The following CAMTA1 variants were observed in gnomAD, a reference collection of about 807,000 sequenced individuals.
CAMTA1 encodes the protein calmodulin binding transcription activator 1, also known as calmodulin-binding transcription activator 1.
Under a neutral mutation model 170.9 loss-of-function variants are expected in CAMTA1, and 27 were observed. That is an observed-to-expected ratio of 0.16 (90% CI 0.12 to 0.22). The LOEUF (loss-of-function observed/expected upper bound fraction) is 0.22, where lower values mean the gene tolerates loss of function less well. CAMTA1 is among the 10% of genes least tolerant of loss of function. The pLI is 1.00. For missense variants in CAMTA1, 1,619 were observed against 2,217.2 expected (o/e 0.73, Z 5.42); for synonymous variants, 833 against 891.5 (o/e 0.93, Z 1.17).
Position 7,674,269 on chromosome 1 carries a change from C to G in CAMTA1, c.2779+3232C>G. ...GGAGACACGCAGGCACTGAGTGTGT[C>G]TTCTGCAAGACTCCAGGGTGCTTCA... On this transcript the variant is annotated intron_variant, in intron 10 of 22. Transcript: ENST00000303635. The surrounding 1 kb of genome is among the most constrained non-coding windows in gnomAD (Gnocchi z 4.1). Among the ~76,000 whole-genome samples, 1 of 152,164 alleles carries G rather than the reference C, an allele frequency of 6.6e-6. No homozygotes were observed. Among genetic ancestry groups the G allele is most frequent in the East Asian group, 1.9e-4 (1 of 5,172 alleles).
chr1:6,991,543 T>C (rs539670336), intron 3 of CAMTA1, among the ~76,000 whole-genome samples: 4 of 152,238 alleles, frequency 2.6e-5, no homozygotes, highest in Non-Finnish European at 5.9e-5. Context: ...TGCTCCAATC[T>C]TTTGTCCATT....
At chr1:7,488,520 T>A (rs574248060) in intron 6 of CAMTA1, among the ~76,000 whole-genome samples, 1 of 152,112 alleles carries the variant, frequency 6.6e-6, no homozygotes, top group South Asian at 2.1e-4. Context: ...CACACACATG[T>A]ACACACAATA....
chr1:7,425,638 C>G (rs2091837923), intron 5 of CAMTA1, among the ~76,000 whole-genome samples: 1 of 151,960 alleles, frequency 6.6e-6, no homozygotes, highest in Non-Finnish European at 1.5e-5. Flanking sequence ...CAGGAGCAAT[C>G]CCCCCTCCAC....
chr1:7,713,848 T>G (rs1300156728), intron 11 of CAMTA1, among the ~76,000 whole-genome samples: 1 of 152,216 alleles, frequency 6.6e-6, no homozygotes, highest in Non-Finnish European at 1.5e-5. Context: ...TGTTAAGGGC[T>G]CTTTTCTAAC....
chr1:7,062,183 G>T (rs965192245), intron 3 of CAMTA1, among the ~76,000 whole-genome samples: 1 of 152,120 alleles, frequency 6.6e-6, no homozygotes, highest in African/African-American at 2.4e-5. Context: ...CTCCCAAAGT[G>T]CTGGGATTAC....
In CAMTA1 at chr1:7,408,430, G is replaced by T. The variant is rs559349653; in HGVS notation, c.439-59400G>T. Among the ~76,000 whole-genome samples, 12 of 152,280 alleles carry T rather than the reference G, an allele frequency of 7.9e-5. No homozygotes were observed. In the East Asian group the frequency reaches 2.3e-3, roughly 29 times the overall value. Reference sequence around the variant, plus strand: ...GCCCCTCCCCTCCTCCCCATGCCTCGCCTCGCTCCTGCCAGGTGTGCTGTC... The same window carrying T: ...GCCCCTCCCCTCCTCCCCATGCCTCTCCTCGCTCCTGCCAGGTGTGCTGTC... On this transcript the variant is annotated intron_variant, in intron 5 of 22. Transcript: ENST00000303635.
At chr1:7,745,764 A>T in intron 17 of CAMTA1, 81 bp from the exon 18 acceptor site, 1 of 1,561,984 alleles carries the variant, frequency 6.4e-7, no homozygotes. Context: ...GGCAGATACC[A>T]TCTTGGCTCA....
chr1:7,051,543 G>A (rs750857688), intron 3 of CAMTA1, among the ~76,000 whole-genome samples: 1 of 152,220 alleles, frequency 6.6e-6, no homozygotes, highest in African/African-American at 2.4e-5. Flanking sequence ...AGTGGGTCCT[G>A]ATTGCCAGGT....
At chr1:7,576,762 A>G (rs1475311907) in intron 6 of CAMTA1, among the ~76,000 whole-genome samples, 1 of 152,214 alleles carries the variant, frequency 6.6e-6, no homozygotes, top group Non-Finnish European at 1.5e-5. Context: ...GGGGAGCAGT[A>G]CTAGGGAGCC....
intron 4 of CAMTA1, among the ~76,000 whole-genome samples, chr1:7,106,415 G>A (rs575321683): frequency 2.0e-5 from 3 of 152,116 alleles, no homozygotes; most frequent in Admixed American, 6.6e-5. Context: ...CTCACATTCA[G>A]TTTTCTTTCT....
chr1:6,993,159 C>T (rs988689359), intron 3 of CAMTA1, among the ~76,000 whole-genome samples: 1 of 152,006 alleles, frequency 6.6e-6, no homozygotes, highest in Admixed American at 6.5e-5. Flanking sequence ...GTCAGTTCTC[C>T]AACTTTACTT....
Position 7,509,465 on chromosome 1 carries a change from C to CTG in CAMTA1, c.510+41564_510+41565insTG, listed in dbSNP as rs2094170222. On this transcript the variant is annotated intron_variant, in intron 6 of 22. Coordinates refer to ENST00000303635, the MANE Select transcript of CAMTA1 (RefSeq NM_015215.4). ...TGTCGGACCCAGCAGGCTTTATAGT[C>CTG]CACAGACACTTGTACCATTCTTTCC... is the stretch of plus-strand genomic sequence containing the variant. Among the ~76,000 whole-genome samples, 5 of 152,264 alleles carry CTG rather than the reference C, an allele frequency of 3.3e-5. No individual in the cohort carries two copies. In the Middle Eastern group the frequency reaches 0.01, roughly 311 times the overall value.
In CAMTA1 at chr1:7,463,004, G is replaced by A. The variant is rs1340320866; in HGVS notation, c.439-4826G>A. On this transcript the variant is annotated intron_variant, in intron 5 of 22. Coordinates refer to ENST00000303635, the MANE Select transcript of CAMTA1 (RefSeq NM_015215.4). The surrounding 1 kb of genome is among the most constrained non-coding windows in gnomAD (Gnocchi z 4.7). ...GGGGGACCTGAGCTGGACTCCAGCT[G>A]AGCGGGGTCTTCGGAGGCAGCACAG... Among the ~76,000 whole-genome samples, 2 of 152,236 alleles carry A rather than the reference G, an allele frequency of 1.3e-5. No homozygotes were observed. Among genetic ancestry groups the A allele is most frequent in the Non-Finnish European group, 2.9e-5 (2 of 68,048 alleles).
At chr1:7,387,143 G>A (rs1188202228) in intron 5 of CAMTA1, among the ~76,000 whole-genome samples, 2 of 151,832 alleles carry the variant, frequency 1.3e-5, no homozygotes, top group East Asian at 1.9e-4. Flanking sequence ...CCCCTCCAAC[G>A]GGAGACTTCT....
intron 7 of CAMTA1, among the ~76,000 whole-genome samples, chr1:7,656,227 C>A (rs1428521787): frequency 6.6e-6 from 1 of 152,212 alleles, no homozygotes; most frequent in African/African-American, 2.4e-5. Flanking sequence ...CACAGACTGG[C>A]GGCTTAAACA....
chr1:6,968,802 A>G (rs952419693), intron 3 of CAMTA1, among the ~76,000 whole-genome samples: 1 of 152,138 alleles, frequency 6.6e-6, no homozygotes, highest in African/African-American at 2.4e-5. Flanking sequence ...GTTACAGGGA[A>G]GAACATCCTG....
intron 4 of CAMTA1, among the ~76,000 whole-genome samples, chr1:7,231,346 T>TGA (rs1434391433): frequency 1.7e-3 from 189 of 114,238 alleles, no homozygotes; most frequent in Middle Eastern, 7.9e-3. Flanking sequence ...TGTGTGTGTG[T>TGA]GTGTGAGAGA....
chr1:6,878,831 T>C (rs1178888968), intron 3 of CAMTA1, among the ~76,000 whole-genome samples: 1 of 152,152 alleles, frequency 6.6e-6, no homozygotes, highest in Non-Finnish European at 1.5e-5. Flanking sequence ...TCAAAACCCT[T>C]CACTTTGTCA....
intron 5 of CAMTA1, among the ~76,000 whole-genome samples, chr1:7,303,446 C>A (rs12404738): frequency 0.082 from 12,410 of 152,262 alleles, 672 homozygotes; most frequent in East Asian, 0.12. Flanking sequence ...CTGAGCTATA[C>A]TCTATGTCTC....
Sources: gnomAD v4.1 joint callset for allele counts (sites outside exome capture counted in the v4.1 genomes callset) on GRCh38, gnomAD v4.1.1 for gene constraint, Gnocchi (gnomAD v3.1) non-coding constraint, MANE v1.5 for transcripts, NCBI Gene and HGNC (gene_info 2026-07-23, HGNC 2026-07-21) for gene names.